DCTN1: variants seen among roughly 807,000 people sequenced by gnomAD.
DCTN1 encodes 150 kDa dynein-associated polypeptide.
A neutral mutation model predicts 161.2 loss-of-function variants in DCTN1; 61 were observed. That is an observed-to-expected ratio of 0.38 (90% CI 0.31 to 0.47). The LOEUF is 0.47. Ranked by LOEUF, DCTN1 falls within the 20% of genes least tolerant of loss-of-function variation. The pLI, the probability that DCTN1 is intolerant of heterozygous loss-of-function variation, is 0.99. For synonymous variants in DCTN1, 653 were observed against 632.4 expected (o/e 1.03, Z -0.49); for missense variants, 1,404 against 1,623.7 (o/e 0.86, Z 2.33).
Position 74,370,647 on chromosome 2 carries a change from A to C in DCTN1, c.1022T>G (p.Ile341Ser), listed in dbSNP as rs1674769234. Reference sequence around the variant, plus strand: ...CTTCTCTTCAATCTCAGCCTTGAGGATCTCTAAGTCAGTAGTGAGCTCGTC... The same window carrying C: ...CTTCTCTTCAATCTCAGCCTTGAGGCTCTCTAAGTCAGTAGTGAGCTCGTC... ...RVDELTTDLE[I>S]LKAEIEEKGS... Residue 341 changes from isoleucine to serine, a missense_variant, in exon 10 of 32, where the codon ATC becomes AGC. This residue lies in a region of DCTN1 where 278 missense variants were observed against 363.8 expected (regional missense o/e 0.76). Transcript: ENST00000628224. The surrounding 1 kb of genome is among the most constrained non-coding windows in gnomAD (Gnocchi z 4.4). The C allele has an allele frequency of 1.2e-6, 2 of 1,613,946 alleles. No individual in the cohort carries two copies.
chr2:74,362,773 G>A (rs1350482849), intron 29 of DCTN1, 44 bp from the exon 30 acceptor site: 1 of 1,591,256 alleles, frequency 6.3e-7, no homozygotes, highest in Non-Finnish European at 8.6e-7. Context: ...GGCGCAGGCA[G>A]GCAGTTCTAC....
In DCTN1 at chr2:74,361,910, TG is replaced by T. The variant is rs368324104; in HGVS notation, c.3699+141del. ...GCACTGTAAGCACTTCTGAGTTACT[TG>T]TAAGTAAAATTTGGCCAGATAACCC... On this transcript the variant is annotated intron_variant, in intron 31 of 31. Transcript: ENST00000628224. 1,199 of 913,704 alleles carry T rather than the reference TG, an allele frequency of 1.3e-3. 1 individual carries two copies. The highest frequency in any genetic ancestry group is 4.6e-3 in the Middle Eastern group (14 of 3,058). 56.6% of individuals were successfully genotyped at this position (913,704 alleles called of 1,614,324 possible).
rs1452320416 is a variant in DCTN1, at chr2:74,361,251, A to T, written c.*248T>A. 2 of 649,366 alleles carry T rather than the reference A, an allele frequency of 3.1e-6. No homozygotes were observed. The highest frequency in any genetic ancestry group is 5.6e-6 in the Non-Finnish European group (2 of 354,946). 40.2% of individuals were successfully genotyped at this position (649,366 alleles called of 1,614,324 possible). The stretch of plus-strand genomic sequence containing the variant: ...GTGGGGTCTCAGCCTACCCCCCACA[A>T]GCCCTGAGGCCCCTCAGGAAGGAGG... On this transcript the variant is annotated 3_prime_UTR_variant, in exon 32 of 32. Coordinates refer to ENST00000628224, the MANE Select transcript of DCTN1 (RefSeq NM_004082.5).
rs1214500454 is a variant in DCTN1, at chr2:74,378,238, C to A, written c.41G>T (p.Ser14Ile). ...SKRHVYSRTP[S>I]GSRMSAEASA... is the part of the protein sequence containing the mutation. ...TGCCTCCGCACTCATCCTGCTGCCG[C>A]TGGGCGTCTGAAAGACACAGGTAAA... is the stretch of plus-strand genomic sequence containing the variant. The change falls in exon 2 of 32, where the codon AGC becomes ATC. Residue 14 changes from serine to isoleucine, a missense_variant. This residue lies in a region of DCTN1 where 53 missense variants were observed against 54.4 expected (regional missense o/e 0.97). Coordinates refer to ENST00000628224, the MANE Select transcript of DCTN1 (RefSeq NM_004082.5). 1.2e-6 allele frequency: 2 copies of A among 1,607,576 alleles called. No homozygotes were observed. Among genetic ancestry groups the A allele is most frequent in the Non-Finnish European group, 1.7e-6 (2 of 1,180,008 alleles).
rs762445148 is a variant in DCTN1 at position 74,369,219 on chromosome 2, G to C, written c.1585-5C>G. Reference sequence around the variant, plus strand: ...TGTCAGTTCCCGATTCACATCCTAGGAGGAGAGACAGTGAAGCACAGCTGG... The same window carrying C: ...TGTCAGTTCCCGATTCACATCCTAGCAGGAGAGACAGTGAAGCACAGCTGG... On this transcript the variant is annotated splice_polypyrimidine_tract_variant and splice_region_variant and intron_variant, in intron 14 of 31. Transcript: ENST00000628224. This position sits in a 1 kb window ranked among gnomAD's most constrained non-coding sequence, Gnocchi z 4.9. 6 of 1,614,186 alleles carry C rather than the reference G, an allele frequency of 3.7e-6. No homozygotes were observed. Among genetic ancestry groups the C allele is most frequent in the Non-Finnish European group, 4.2e-6 (5 of 1,180,022 alleles).
chr2:74,390,371 A>G (rs1297655448), intron 1 of DCTN1, among the ~76,000 whole-genome samples: 2 of 152,230 alleles, frequency 1.3e-5, no homozygotes, highest in Non-Finnish European at 2.9e-5. Context: ...CAACATGAAG[A>G]ACTTCCTTCT....
chr2:74,371,063 G>T lies in DCTN1; in HGVS notation c.759C>A (p.Ile253=). The T allele has an allele frequency of 6.2e-7, 1 of 1,614,200 alleles. No homozygotes were observed. The highest frequency in any genetic ancestry group is 1.7e-5 in the Admixed American group (1 of 60,018). Residue 253 remains isoleucine, a synonymous_variant, in exon 9 of 32, where the codon ATC becomes ATA. Coordinates refer to ENST00000628224, the MANE Select transcript of DCTN1 (RefSeq NM_004082.5). The stretch of plus-strand genomic sequence containing the variant: ...TCCATTCCTGCACCTGCTCCAGCTG[G>T]ATTTTGTGTTTCTCCAGCTCTTTTA... ...AKLKELEKHK[I]QLEQVQEWKS...
intron 29 of DCTN1, 97 bp from the exon 30 acceptor site, chr2:74,362,826 A>T (rs1244768423): frequency 7.5e-7 from 1 of 1,334,586 alleles, no homozygotes; most frequent in Non-Finnish European, 1.1e-6. Flanking sequence ...TCTCTAACAG[A>T]ACAAGTACTT....
chr2:74,391,128 T>G (rs1558957270), intron 1 of DCTN1: 1 of 152,870 alleles, frequency 6.5e-6, no homozygotes, highest in Non-Finnish European at 1.5e-5. Context: ...GGCAGTACAT[T>G]AAGTAAAGGA....
chr2:74,373,238 G>A (rs1399131721), intron 6 of DCTN1: 1 of 497,332 alleles, frequency 2.0e-6, no homozygotes, highest in African/African-American at 2.0e-5. Context: ...CCATCTCTAG[G>A]CTGAGCCATA....
At chr2:74,387,399 T>C (rs1675781049) in intron 1 of DCTN1, among the ~76,000 whole-genome samples, 1 of 152,078 alleles carries the variant, frequency 6.6e-6, no homozygotes, top group African/African-American at 2.4e-5. Flanking sequence ...AGACAGAAAC[T>C]CTTCTGAACT....
chr2:74,366,828 C>T lies in DCTN1; in HGVS notation c.2421G>A (p.Gly807=). 1.2e-6 allele frequency: 2 copies of T among 1,614,270 alleles called. No individual in the cohort carries two copies. The highest frequency in any genetic ancestry group is 1.6e-4 in the Middle Eastern group (1 of 6,062). The change falls in exon 21 of 32, where the codon GGG becomes GGA. Residue 807 remains glycine, a synonymous_variant. Coordinates refer to ENST00000628224, the MANE Select transcript of DCTN1 (RefSeq NM_004082.5). The part of the protein sequence containing the change: ...FCKKIRRRMP[G]TDAPGIPAAL... ...CAGCTGGGATCCCAGGAGCATCTGT[C>T]CCTGGCATTCGCCTTCGGATCTTCT...
chr2:74,366,239 C>T lies in DCTN1; in HGVS notation c.2760+5G>A. 1 of 1,614,134 alleles carries T rather than the reference C, an allele frequency of 6.2e-7. No individual in the cohort carries two copies. Among genetic ancestry groups the T allele is most frequent in the Non-Finnish European group, 8.5e-7 (1 of 1,179,986 alleles). On this transcript the variant is annotated splice_donor_5th_base_variant and intron_variant, in intron 23 of 31. Transcript: ENST00000628224. ...TGCAACTTCTCCAAGGAAATCTCCA[C>T]CTACCTTGCTGGGGGGCCGCTCTGC...
At chr2:74,384,406 G>A (rs13400347), upstream of DCTN1, among the ~76,000 whole-genome samples, 4 of 152,154 alleles carry the variant, frequency 2.6e-5, no homozygotes, top group Non-Finnish European at 5.9e-5. Flanking sequence ...GGACAATCCT[G>A]GGTTAATGTT....
intron 16 of DCTN1, 87 bp from the exon 17 acceptor site, chr2:74,368,218 T>C (rs368231106): frequency 2.6e-5 from 40 of 1,519,678 alleles, no homozygotes; most frequent in East Asian, 2.0e-4. Context: ...AGCTTAACTA[T>C]GTGGGGAGCA....
At chr2:74,366,956 T>TG in intron 20 of DCTN1, 24 bp from the exon 21 acceptor site, 1 of 1,614,128 alleles carries the variant, frequency 6.2e-7, no homozygotes, top group South Asian at 1.1e-5. Flanking sequence ...AGAAAATGGA[T>TG]GGAGAACCAA....
At chr2:74,363,486 C>A in intron 27 of DCTN1, 59 bp from the exon 28 acceptor site, 1 of 1,604,642 alleles carries the variant, frequency 6.2e-7, no homozygotes, top group Non-Finnish European at 8.5e-7. Flanking sequence ...AAATTGGGCT[C>A]CATTCCTACT....
In DCTN1 at chr2:74,372,485, G is replaced by C. The variant is rs376939038; in HGVS notation, c.453+443C>G. On this transcript the variant is annotated intron_variant, in intron 7 of 31. Coordinates refer to ENST00000628224, the MANE Select transcript of DCTN1 (RefSeq NM_004082.5). ...GGCCTGCCAATGTGCTCAAAGTGCT[G>C]AGCCCCAAGGTCTCCCAGTGGGCTG... Among the ~76,000 whole-genome samples, 64 of 152,320 alleles carry C rather than the reference G, an allele frequency of 4.2e-4. 2 individuals carry two copies. The South Asian group carries it at 0.012, about 30-fold the overall frequency.
intron 1 of DCTN1, chr2:74,391,769 G>A (rs917796991): frequency 6.6e-6 from 3 of 453,388 alleles, no homozygotes; most frequent in Non-Finnish European, 1.3e-5. Context: ...CGGAGCAGAC[G>A]GTTGGCAGAG....
Sources: gnomAD v4.1 joint callset for allele counts (sites outside exome capture counted in the v4.1 genomes callset) on GRCh38, gnomAD v4.1.1 for gene constraint, gnomAD v4.1.1 regional missense constraint, Gnocchi (gnomAD v3.1) non-coding constraint, MANE v1.5 for transcripts, NCBI Gene and HGNC (gene_info 2026-07-23, HGNC 2026-07-21) for gene names.